The following CCDC171 variants were observed in gnomAD, a reference collection of about 807,000 sequenced individuals.
CCDC171 encodes the protein coiled-coil domain containing 171.
CCDC171 carries 177 observed loss-of-function variants against 168.2 expected under a neutral mutation model. That is an observed-to-expected ratio of 1.05 (90% CI 0.93 to 1.19). The LOEUF is 1.19. CCDC171 is among the 50% of genes most tolerant of loss of function. CCDC171 has a pLI of 0.00. For synonymous variants in CCDC171, 687 were observed against 540.8 expected (o/e 1.27, Z -3.75); for missense variants, 1,991 against 1,539.0 (o/e 1.29, Z -4.91).
chr9:15,574,765 C>A (rs986146846), intron 3 of CCDC171, among the ~76,000 whole-genome samples: 2 of 152,174 alleles, frequency 1.3e-5, no homozygotes, highest in Non-Finnish European at 2.9e-5. Flanking sequence ...GTGATTGGCA[C>A]AAAATATCTT....
chr9:15,678,694 G>C (rs186597188), intron 9 of CCDC171, 64 bp from the exon 10 acceptor site: 3 of 1,355,472 alleles, frequency 2.2e-6, no homozygotes, highest in Non-Finnish European at 3.0e-6. Context: ...ATGTATTAAA[G>C]GTGTGTAATA....
Position 15,607,454 on chromosome 9 carries a change from T to TA in CCDC171, c.675+13283dup, listed in dbSNP as rs1261963645. ...ATACAGGATGCTTCTTTGTCAAACT[T>TA]ATATTTTTCACTTTTTTTTTTCTTT... On this transcript the variant is annotated intron_variant, in intron 6 of 25. Transcript: ENST00000380701. Among the ~76,000 whole-genome samples the TA allele has an allele frequency of 2.6e-5, 4 of 152,246 alleles. No homozygotes were observed. In the East Asian group the frequency reaches 7.7e-4, roughly 29 times the overall value.
At chr9:15,654,685 G>C (rs777193604) in intron 7 of CCDC171, among the ~76,000 whole-genome samples, 1 of 152,062 alleles carries the variant, frequency 6.6e-6, no homozygotes, top group African/African-American at 2.4e-5. Context: ...CAAGATGGCC[G>C]AATAGGAACA....
intron 21 of CCDC171, among the ~76,000 whole-genome samples, chr9:15,822,095 T>C (rs998705860): frequency 6.3e-4 from 96 of 152,308 alleles, no homozygotes; most frequent in African/African-American, 2.2e-3. Context: ...GGATTCCCTA[T>C]TTAATAAATG....
intron 2 of CCDC171, among the ~76,000 whole-genome samples, chr9:15,567,154 T>C (rs1402095686): frequency 6.6e-6 from 1 of 151,744 alleles, no homozygotes; most frequent in East Asian, 1.9e-4. Flanking sequence ...CCCGAGTAGC[T>C]GGGATTACAG....
chr9:15,718,885 T>C (rs958637258), intron 11 of CCDC171, among the ~76,000 whole-genome samples: 2 of 152,106 alleles, frequency 1.3e-5, no homozygotes, highest in African/African-American at 2.4e-5. Flanking sequence ...CCAGACTGCA[T>C]AGACTAAAAT....
intron 7 of CCDC171, among the ~76,000 whole-genome samples, chr9:15,628,467 G>C (rs954076954): frequency 2.6e-5 from 4 of 152,238 alleles, no homozygotes; most frequent in Non-Finnish European, 5.9e-5. Context: ...GCGGCAGCGA[G>C]GCTAGGGGAG....
intron 1 of CCDC171, among the ~76,000 whole-genome samples, chr9:15,556,106 C>G (rs2038774178): frequency 6.6e-6 from 1 of 151,966 alleles, no homozygotes; most frequent in Admixed American, 6.6e-5. Flanking sequence ...GGGTTGGTTC[C>G]AAGTGTTTGC....
intron 21 of CCDC171, among the ~76,000 whole-genome samples, chr9:15,810,361 G>A (rs903042199): frequency 1.3e-5 from 2 of 152,190 alleles, no homozygotes; most frequent in African/African-American, 2.4e-5. Context: ...CCAGGGCCAC[G>A]GGCAGAGCTG....
intron 6 of CCDC171, among the ~76,000 whole-genome samples, chr9:16,024,405 TCTC>T (rs1367480743): frequency 6.6e-6 from 1 of 152,044 alleles, no homozygotes; most frequent in Non-Finnish European, 1.5e-5. Context: ...ACTCCCAACA[TCTC>T]CTCCTTTCTA....
At position 15,666,297 on chromosome 9, in the gene CCDC171, A is replaced by G. The variant is rs1302508746; in HGVS notation, c.1050A>G (p.Ala350=). The G allele has an allele frequency of 6.2e-7, 1 of 1,610,154 alleles. No individual in the cohort carries two copies. Among genetic ancestry groups the G allele is most frequent in the South Asian group, 1.1e-5 (1 of 90,224 alleles). ...CATATGAGCGAGAAAAGCATAATGCACAAGAGAGCTTTGCAAAACTAAATT... is the reference window on the plus strand; with the variant it reads ...CATATGAGCGAGAAAAGCATAATGCGCAAGAGAGCTTTGCAAAACTAAATT... ...ESAYEREKHN[A]QESFAKLNLL... is the part of the protein sequence containing the mutation. The change falls in exon 9 of 26, where the codon GCA becomes GCG. Residue 350 remains alanine, a synonymous_variant. Coordinates refer to ENST00000380701, the MANE Select transcript of CCDC171 (RefSeq NM_173550.4).
chr9:15,576,537 T>A (rs751753330), intron 3 of CCDC171, among the ~76,000 whole-genome samples: 1 of 152,126 alleles, frequency 6.6e-6, no homozygotes, highest in Non-Finnish European at 1.5e-5. Context: ...GAGGATGTAG[T>A]CAAGGAAAAG....
intron 3 of CCDC171, among the ~76,000 whole-genome samples, chr9:16,019,622 C>CT (rs1833109715): frequency 6.6e-6 from 1 of 151,974 alleles, no homozygotes; most frequent in South Asian, 2.1e-4. Context: ...GAAATCTCAC[C>CT]TTTTTTGGAA....
chr9:16,015,966 G>A (rs1450771993), intron 3 of CCDC171, among the ~76,000 whole-genome samples: 2 of 152,172 alleles, frequency 1.3e-5, no homozygotes, highest in African/African-American at 2.4e-5. Context: ...TTTTAAGGCT[G>A]AATAATATCC....
At chr9:15,933,676 A>C (rs1015841721) in intron 25 of CCDC171, among the ~76,000 whole-genome samples, 1 of 151,918 alleles carries the variant, frequency 6.6e-6, no homozygotes, top group Non-Finnish European at 1.5e-5. Flanking sequence ...AGATTTTGGT[A>C]CGATATGTTT....
chr9:15,558,827 G>A, intron 1 of CCDC171, among the ~76,000 whole-genome samples: 1 of 151,818 alleles, frequency 6.6e-6, no homozygotes, highest in Non-Finnish European at 1.5e-5. Context: ...GTGATGTTAG[G>A]GTATCAATTT....
intron 3 of CCDC171, among the ~76,000 whole-genome samples, chr9:16,000,258 A>C (rs746026429): frequency 1.3e-5 from 2 of 152,178 alleles, no homozygotes; most frequent in African/African-American, 4.8e-5. Context: ...TAAAACTACA[A>C]ACCCAAAGCC....
intron 8 of CCDC171, among the ~76,000 whole-genome samples, chr9:15,659,057 C>T (rs1471812973): frequency 6.6e-6 from 1 of 152,128 alleles, no homozygotes; most frequent in Non-Finnish European, 1.5e-5. Context: ...ACTCTGAAGT[C>T]TGAAGAGAGA....
At chr9:15,875,599 G>T (rs1252137617) in intron 24 of CCDC171, 1 of 151,914 alleles carries the variant, frequency 6.6e-6, no homozygotes, top group African/African-American at 2.4e-5. Flanking sequence ...AACTTAGTGT[G>T]TCTTTCACAT....
Sources: gnomAD v4.1 joint callset for allele counts (sites outside exome capture counted in the v4.1 genomes callset) on GRCh38, gnomAD v4.1.1 for gene constraint, MANE v1.5 for transcripts, NCBI Gene and HGNC (gene_info 2026-07-23, HGNC 2026-07-21) for gene names.